CEP83: variants seen among roughly 807,000 people sequenced by gnomAD.
CEP83 encodes the protein centrosomal protein 83, also known as centrosomal protein of 83 kDa.
Under a neutral mutation model 101.9 loss-of-function variants are expected in CEP83, and 70 were observed. The observed-to-expected ratio is 0.69, with a 90% CI of 0.57 to 0.84. The LOEUF is 0.84. Ranked by LOEUF, CEP83 falls within the 40% of genes least tolerant of loss-of-function variation. The pLI, the probability that CEP83 is intolerant of heterozygous loss-of-function variation, is 0.00. For missense variants in CEP83, 715 were observed against 787.2 expected (o/e 0.91, Z 1.10); for synonymous variants, 264 against 267.9 (o/e 0.99, Z 0.14).
chr12:94,396,410 T>G (rs1363507466), intron 6 of CEP83, among the ~76,000 whole-genome samples: 1 of 146,554 alleles, frequency 6.8e-6, no homozygotes, highest in East Asian at 2.2e-4. Context: ...TGCCTCAGCC[T>G]CCAGAGTAGC....
At chr12:94,394,942 G>T (rs1038573016) in intron 6 of CEP83, among the ~76,000 whole-genome samples, 1 of 152,188 alleles carries the variant, frequency 6.6e-6, no homozygotes, top group Non-Finnish European at 1.5e-5. Context: ...ACGCCAGTTA[G>T]AATAGCAATC....
chr12:94,295,127 C>T, the CEP83 span, among the ~76,000 whole-genome samples: 1 of 152,210 alleles, frequency 6.6e-6, no homozygotes, highest in African/African-American at 2.4e-5. Context: ...AATTATACCC[C>T]AGTCAAGACA....
At chr12:94,313,081 G>T in intron 14 of CEP83, 64 bp from the exon 15 acceptor site, 1 of 709,484 alleles carries the variant, frequency 1.4e-6, no homozygotes, top group Non-Finnish European at 2.3e-6. Flanking sequence ...AAACTATATA[G>T]AAAATATTTT....
chr12:94,361,662 G>C (rs1467338475), intron 11 of CEP83: 2 of 151,876 alleles, frequency 1.3e-5, no homozygotes, highest in African/African-American at 4.8e-5. Flanking sequence ...AGAGTGAAGA[G>C]ACAACCTATA....
At chr12:94,269,667 C>T in the CEP83 span, among the ~76,000 whole-genome samples, 1 of 152,222 alleles carries the variant, frequency 6.6e-6, no homozygotes, top group African/African-American at 2.4e-5. Context: ...CTGATGTTTG[C>T]ACTTCAGCAA....
At chr12:94,419,723 G>A (rs1004607986) in intron 2 of CEP83, among the ~76,000 whole-genome samples, 1 of 152,056 alleles carries the variant, frequency 6.6e-6, no homozygotes, top group Non-Finnish European at 1.5e-5. Context: ...TTAGAACAAA[G>A]GTGGTTTTGC....
the CEP83 span, among the ~76,000 whole-genome samples, chr12:94,298,214 TTA>T: frequency 2.0e-5 from 3 of 152,214 alleles, no homozygotes; most frequent in Non-Finnish European, 4.4e-5. Flanking sequence ...CAATAAAACT[TTA>T]TGATAGAAAT....
At chr12:94,385,044 T>G (rs999966048) in intron 6 of CEP83, among the ~76,000 whole-genome samples, 1 of 152,140 alleles carries the variant, frequency 6.6e-6, no homozygotes, top group African/African-American at 2.4e-5. Flanking sequence ...TTTGTGATAT[T>G]GCTATGGTAG....
At chr12:94,450,530 C>T (rs1044883327) in intron 1 of CEP83, among the ~76,000 whole-genome samples, 3 of 152,172 alleles carry the variant, frequency 2.0e-5, no homozygotes, top group African/African-American at 7.2e-5. Context: ...GGATTACAGG[C>T]GTGAGCCACC....
At chr12:94,434,805 T>G (rs2065879609) in intron 2 of CEP83, among the ~76,000 whole-genome samples, 1 of 152,224 alleles carries the variant, frequency 6.6e-6, no homozygotes, top group African/African-American at 2.4e-5. Flanking sequence ...ATTTTATTTT[T>G]CCCTTGAAGG....
chr12:94,349,294 A>G lies in CEP83; in HGVS notation c.1344-13630T>C, dbSNP rs529773597. Among the ~76,000 whole-genome samples the G allele has an allele frequency of 7.2e-5, 11 of 151,852 alleles. No individual in the cohort carries two copies. In the South Asian group the frequency reaches 8.3e-4, roughly 11 times the overall value. On this transcript the variant is annotated intron_variant, in intron 11 of 16. Transcript: ENST00000397809. The stretch of plus-strand genomic sequence containing the variant: ...GAGCAAGACTCTGTCTCAAAAAAAA[A>G]AAAAAAAAGAAAAAAAGTTTGTAGA...
chr12:94,299,302 A>G, the CEP83 span, among the ~76,000 whole-genome samples: 1 of 152,162 alleles, frequency 6.6e-6, no homozygotes, highest in Non-Finnish European at 1.5e-5. Flanking sequence ...CAGGCAAGGC[A>G]TCCAAATTTT....
At chr12:94,401,677 T>C (rs1312724685) in intron 5 of CEP83, among the ~76,000 whole-genome samples, 2 of 152,224 alleles carry the variant, frequency 1.3e-5, no homozygotes, top group Non-Finnish European at 2.9e-5. Flanking sequence ...CAGCTCACCA[T>C]AAATCTTTAG....
In CEP83 at chr12:94,441,415, GA is replaced by G. The variant is rs774941002; in HGVS notation, c.-154-6089del. On this transcript the variant is annotated intron_variant, in intron 1 of 16. Transcript: ENST00000397809. ...ATATACAAATGGCCAACAGACATAT[GA>G]AAAAATGTTCAACATCACTATCAGG... is the stretch of plus-strand genomic sequence containing the variant. Among the ~76,000 whole-genome samples, 21 of 152,242 alleles carry G rather than the reference GA, an allele frequency of 1.4e-4. 1 individual carries two copies. In the Middle Eastern group the frequency reaches 0.017, roughly 123 times the overall value.
chr12:94,342,558 G>GT (rs2059729209), intron 11 of CEP83, among the ~76,000 whole-genome samples: 1 of 152,142 alleles, frequency 6.6e-6, no homozygotes, highest in South Asian at 2.1e-4. Context: ...CATCTTTGCA[G>GT]GCAAGGGCTC....
the CEP83 span, among the ~76,000 whole-genome samples, chr12:94,299,779 C>CA: frequency 6.6e-6 from 1 of 152,176 alleles, no homozygotes; most frequent in South Asian, 2.1e-4. Context: ...AGGCTGGTCT[C>CA]AAACTCCTGG....
chr12:94,336,085 C>CA (rs561333463), intron 11 of CEP83, among the ~76,000 whole-genome samples: 90 of 152,210 alleles, frequency 5.9e-4, no homozygotes, highest in Admixed American at 1.5e-3. Flanking sequence ...TTACAATTTG[C>CA]AAAATTCTTT....
rs2065526947 is a variant in CEP83, at chr12:94,430,370, A to G, written c.-102+4905T>C. On this transcript the variant is annotated intron_variant, in intron 2 of 16. Coordinates refer to ENST00000397809, the MANE Select transcript of CEP83 (RefSeq NM_016122.3). ...GAATACTGAAAAATAACATAAAGAA[A>G]TCAGAAAAACAATTCCTAGAATATG... is the stretch of plus-strand genomic sequence containing the variant. Among the ~76,000 whole-genome samples the G allele has an allele frequency of 1.3e-5, 2 of 152,134 alleles. 1 individual carries two copies. The highest frequency in any genetic ancestry group is 4.1e-4 in the South Asian group (2 of 4,826).
At chr12:94,442,927 G>A (rs529258198) in intron 1 of CEP83, among the ~76,000 whole-genome samples, 5 of 152,198 alleles carry the variant, frequency 3.3e-5, no homozygotes, top group Middle Eastern at 3.4e-3. Context: ...CTCCAGTGCC[G>A]AATCTTAAAT....
Sources: gnomAD v4.1 joint callset for allele counts (sites outside exome capture counted in the v4.1 genomes callset) on GRCh38, gnomAD v4.1.1 for gene constraint, MANE v1.5 for transcripts, NCBI Gene and HGNC (gene_info 2026-07-23, HGNC 2026-07-21) for gene names.